CNTNAP2: variants seen among roughly 807,000 people sequenced by gnomAD.
CNTNAP2 encodes contactin-associated protein-like 2.
Under a neutral mutation model 155.2 loss-of-function variants are expected in CNTNAP2, and 98 were observed. That is an observed-to-expected ratio of 0.63 (90% confidence interval 0.54 to 0.75). CNTNAP2 has a LOEUF of 0.75. Among genes scored for constraint, CNTNAP2 ranks in the 30% least tolerant of loss-of-function variants. CNTNAP2 has a pLI of 0.00. For missense variants in CNTNAP2, 1,727 were observed against 1,688.1 expected (o/e 1.02, Z -0.40); for synonymous variants, 651 against 631.2 (o/e 1.03, Z -0.47).
At chr7:147,507,099 A>G (rs986091787) in intron 11 of CNTNAP2, among the ~76,000 whole-genome samples, 1 of 152,088 alleles carries the variant, frequency 6.6e-6, no homozygotes, top group African/African-American at 2.4e-5. Context: ...AGCTGTGGAC[A>G]TTACCATGGA....
At chr7:146,559,917 A>G (rs1268987668) in intron 1 of CNTNAP2, among the ~76,000 whole-genome samples, 2 of 152,192 alleles carry the variant, frequency 1.3e-5, no homozygotes, top group Non-Finnish European at 2.9e-5. Flanking sequence ...CTACACACCC[A>G]CACACATTTA....
intron 1 of CNTNAP2, among the ~76,000 whole-genome samples, chr7:146,363,751 A>T (rs1038482589): frequency 6.6e-6 from 1 of 152,174 alleles, no homozygotes; most frequent in Admixed American, 6.5e-5. Context: ...TCAAGGGTGG[A>T]TGAGAGAGAA....
At chr7:147,355,140 T>C (rs374694998) in intron 9 of CNTNAP2, among the ~76,000 whole-genome samples, 1 of 151,956 alleles carries the variant, frequency 6.6e-6, no homozygotes, top group Non-Finnish European at 1.5e-5. Context: ...GGCCATTGTT[T>C]CGAGTAAAGT....
chr7:147,639,060 T>C (rs1795232341), intron 12 of CNTNAP2, 46 bp from the exon 13 acceptor site: 2 of 1,577,400 alleles, frequency 1.3e-6, no homozygotes, highest in Non-Finnish European at 1.7e-6. Flanking sequence ...TGGAGAAGCA[T>C]TTGCATACTA....
chr7:147,186,193 A>G (rs1802562204), intron 8 of CNTNAP2, among the ~76,000 whole-genome samples: 1 of 152,190 alleles, frequency 6.6e-6, no homozygotes, highest in African/African-American at 2.4e-5. Context: ...CACTGGGAGC[A>G]TCAATCTTAA....
In CNTNAP2 at chr7:146,919,353, A is replaced by G. The variant is rs143344850; in HGVS notation, c.402+79449A>G. 1.9e-3 allele frequency among the ~76,000 whole-genome samples: 291 copies of G among 152,274 alleles called. 3 individuals carry two copies. Among genetic ancestry groups the G allele is most frequent in the African/African-American group, 6.2e-3 (258 of 41,566 alleles). On this transcript the variant is annotated intron_variant, in intron 3 of 23. Coordinates refer to ENST00000361727, the MANE Select transcript of CNTNAP2 (RefSeq NM_014141.6). ...ATCTGGGACTCAAGGGCTGCTGTTCAGATTATTTTGTCCCATGGGGGTCCT... is the reference window on the plus strand; with the variant it reads ...ATCTGGGACTCAAGGGCTGCTGTTCGGATTATTTTGTCCCATGGGGGTCCT...
At chr7:147,706,893 T>C (rs1276373350) in intron 13 of CNTNAP2, among the ~76,000 whole-genome samples, 1 of 151,776 alleles carries the variant, frequency 6.6e-6, no homozygotes, top group African/African-American at 2.4e-5. Context: ...GGAAATTCTT[T>C]CTTCTCTTTC....
At chr7:147,751,200 A>G (rs890801845) in intron 13 of CNTNAP2, among the ~76,000 whole-genome samples, 3 of 151,692 alleles carry the variant, frequency 2.0e-5, no homozygotes, top group African/African-American at 7.2e-5. Context: ...TTTATTTCCA[A>G]TTATAAAATA....
chr7:147,585,805 G>GTA (rs1800609232), intron 12 of CNTNAP2, among the ~76,000 whole-genome samples: 1 of 151,712 alleles, frequency 6.6e-6, no homozygotes, highest in African/African-American at 2.4e-5. Context: ...ATGTGTGTGT[G>GTA]TATATATATC....
intron 3 of CNTNAP2, among the ~76,000 whole-genome samples, chr7:146,848,100 A>G (rs1794796371): frequency 6.6e-6 from 1 of 152,184 alleles, no homozygotes; most frequent in African/African-American, 2.4e-5. Flanking sequence ...CTGCACCAGG[A>G]ACATCCAGGA....
intron 10 of CNTNAP2, 97 bp from the exon 11 acceptor site, chr7:147,485,838 C>A: frequency 6.1e-6 from 7 of 1,146,322 alleles, no homozygotes; most frequent in Non-Finnish European, 5.3e-6. Context: ...GGCAACCTGG[C>A]ATTGAAATGA....
At chr7:146,761,258 G>T (rs1026377596) in intron 1 of CNTNAP2, among the ~76,000 whole-genome samples, 4 of 151,386 alleles carry the variant, frequency 2.6e-5, no homozygotes, top group Non-Finnish European at 5.9e-5. Context: ...GCAGATGAAT[G>T]CAGAATTACT....
intron 13 of CNTNAP2, among the ~76,000 whole-genome samples, chr7:147,727,436 T>G (rs1298670672): frequency 6.6e-6 from 1 of 152,112 alleles, no homozygotes; most frequent in African/African-American, 2.4e-5. Flanking sequence ...ATGAGTTAAC[T>G]ATCAGTTGTA....
intron 1 of CNTNAP2, 100 bp downstream of exon 1, chr7:146,117,073 C>T (rs545370663): frequency 2.0e-6 from 2 of 997,500 alleles, no homozygotes; most frequent in East Asian, 2.6e-5. Context: ...AGTGCTGGCA[C>T]CCTGATGTGT....
chr7:146,561,876 A>G (rs796943208), intron 1 of CNTNAP2, among the ~76,000 whole-genome samples: 7 of 151,928 alleles, frequency 4.6e-5, no homozygotes, highest in African/African-American at 1.7e-4. Context: ...TGCAGCATCA[A>G]CCTCCCCGGG....
chr7:148,232,017 T>C (rs1057452688), intron 20 of CNTNAP2, among the ~76,000 whole-genome samples: 4 of 152,222 alleles, frequency 2.6e-5, no homozygotes, highest in Admixed American at 6.5e-5. Context: ...CAGCTCTCCC[T>C]CCTTCTCTGT....
intron 1 of CNTNAP2, among the ~76,000 whole-genome samples, chr7:146,567,752 G>A (rs1263420199): frequency 5.3e-5 from 8 of 151,950 alleles, no homozygotes; most frequent in African/African-American, 1.9e-4. Flanking sequence ...ACGGAGTCTC[G>A]CTCAGTCTCC....
chr7:147,343,661 A>C (rs73740606), intron 9 of CNTNAP2, among the ~76,000 whole-genome samples: 4,130 of 152,260 alleles, frequency 0.027, 206 homozygotes, highest in African/African-American at 0.095. Flanking sequence ...TAGTACTGAA[A>C]TCACTCAGTG....
In CNTNAP2 at chr7:148,321,385, G is replaced by C. The variant is rs181840419; in HGVS notation, c.3475+54259G>C. Among the ~76,000 whole-genome samples the C allele has an allele frequency of 1.5e-3, 232 of 152,330 alleles. 1 individual carries two copies. Among genetic ancestry groups the C allele is most frequent in the African/African-American group, 5.3e-3 (220 of 41,580 alleles). Reference sequence around the variant, plus strand: ...CAGTGGTTATACTGTTGCCATCAGGGAGCTGGGCTTGGGGGTGGACAGAGG... The same window carrying C: ...CAGTGGTTATACTGTTGCCATCAGGCAGCTGGGCTTGGGGGTGGACAGAGG... On this transcript the variant is annotated intron_variant, in intron 21 of 23. Coordinates refer to ENST00000361727, the MANE Select transcript of CNTNAP2 (RefSeq NM_014141.6).
Sources: gnomAD v4.1 joint callset for allele counts (sites outside exome capture counted in the v4.1 genomes callset) on GRCh38, gnomAD v4.1.1 for gene constraint, MANE v1.5 for transcripts, NCBI Gene and HGNC (gene_info 2026-07-23, HGNC 2026-07-21) for gene names.